MYT1: variants seen among roughly 807,000 people sequenced by gnomAD.
The protein encoded by MYT1 is myelin transcription factor 1, also known as myelin transcription factor I.
In MYT1, 23 loss-of-function variants were observed where a neutral mutation model predicts 123.0. That is an observed-to-expected ratio of 0.19 (90% CI 0.13 to 0.26). MYT1 has a LOEUF of 0.26. Among genes scored for constraint, MYT1 ranks in the 10% least tolerant of loss-of-function variants. MYT1 has a pLI of 1.00. For synonymous variants in MYT1, 518 were observed against 575.3 expected, an observed-to-expected ratio of 0.90 and a Z score of 1.43; for missense variants, 1,125 against 1,472.5, an observed-to-expected ratio of 0.76 and a Z score of 3.86.
At chr20:64,177,433 TC>T (rs1377230525) in intron 1 of MYT1, among the ~76,000 whole-genome samples, 1 of 151,492 alleles carries the variant, frequency 6.6e-6, no homozygotes, top group Non-Finnish European at 1.5e-5. Flanking sequence ...TTCCCCTCGG[TC>T]CCATTTGTGT....
At chr20:64,169,858 G>A (rs1432744886) in intron 1 of MYT1, among the ~76,000 whole-genome samples, 2 of 152,320 alleles carry the variant, frequency 1.3e-5, no homozygotes, top group East Asian at 1.9e-4. Context: ...TCATGAACGT[G>A]TTCTGTACTG....
chr20:64,172,759 TTTTTTG>T (rs1982325143), intron 1 of MYT1, among the ~76,000 whole-genome samples: 1 of 146,578 alleles, frequency 6.8e-6, no homozygotes, highest in African/African-American at 2.5e-5. Flanking sequence ...TTTTTTTTTT[TTTTTTG>T]AAGATGGAGT....
intron 4 of MYT1, among the ~76,000 whole-genome samples, chr20:64,200,581 G>T (rs541436646): frequency 7.2e-5 from 11 of 152,294 alleles, no homozygotes; most frequent in African/African-American, 2.6e-4. Flanking sequence ...TTGAGGCCCC[G>T]TAACTTGGAG....
intron 1 of MYT1, among the ~76,000 whole-genome samples, chr20:64,172,270 G>A (rs894055732): frequency 6.6e-6 from 1 of 152,208 alleles, no homozygotes; most frequent in Non-Finnish European, 1.5e-5. Flanking sequence ...GAGAGCAGCT[G>A]CCTGGGCTTA....
intron 1 of MYT1, among the ~76,000 whole-genome samples, chr20:64,170,466 C>T (rs1400749127): frequency 1.3e-5 from 2 of 152,088 alleles, no homozygotes; most frequent in Admixed American, 6.5e-5. Flanking sequence ...CACATTTTAG[C>T]TTTGAGGTTG....
chr20:64,169,820 G>A (rs1159023161), intron 1 of MYT1, among the ~76,000 whole-genome samples: 2 of 152,194 alleles, frequency 1.3e-5, no homozygotes, highest in Non-Finnish European at 1.5e-5. Flanking sequence ...TATTTTAATC[G>A]TTGAGACCGT....
In MYT1 at chr20:64,170,729, G is replaced by A. The variant is rs989316755; in HGVS notation, c.-99+5990G>A. Among the ~76,000 whole-genome samples the A allele has an allele frequency of 1.0e-4, 15 of 149,782 alleles. No homozygotes were observed. The East Asian group carries it at 2.0e-3, about 20-fold the overall frequency. On this transcript the variant is annotated intron_variant, in intron 1 of 22. Coordinates refer to ENST00000328439, the MANE Select transcript of MYT1 (RefSeq NM_004535.3). ...TTGTGCTTCCTCATTTTATTTCCAC[G>A]AAGGCTGTGCCCAACCTTAGCCTCG...
In MYT1 at chr20:64,190,657, T is replaced by C. The variant is rs1982941379; in HGVS notation, c.-1+497T>C. The stretch of plus-strand genomic sequence containing the variant: ...GAGATTGTGCCACTGCACTCCAGCC[T>C]GGGTGCAGATCTTATCTCAGAAGTA... On this transcript the variant is annotated intron_variant, in intron 2 of 22. Transcript: ENST00000328439. The surrounding 1 kb of genome is among the most constrained non-coding windows in gnomAD (Gnocchi z 4.1). Among the ~76,000 whole-genome samples the C allele has an allele frequency of 1.3e-5, 2 of 151,430 alleles. No homozygotes were observed. The highest frequency in any genetic ancestry group is 2.1e-4 in the South Asian group (1 of 4,786).
chr20:64,222,901 G>A (rs1984051338), intron 14 of MYT1, among the ~76,000 whole-genome samples: 1 of 152,210 alleles, frequency 6.6e-6, no homozygotes, highest in Admixed American at 6.5e-5. Flanking sequence ...ACTTTAATTT[G>A]GTTACTTTTT....
intron 1 of MYT1, among the ~76,000 whole-genome samples, chr20:64,184,762 T>A (rs529734407): frequency 1.3e-5 from 2 of 152,192 alleles, no homozygotes; most frequent in Non-Finnish European, 2.9e-5. Context: ...CCCTCAGGGT[T>A]CTGGCTTGAG....
intron 1 of MYT1, among the ~76,000 whole-genome samples, chr20:64,170,921 A>AGAGAGAG: frequency 7.2e-6 from 1 of 138,026 alleles, no homozygotes; most frequent in African/African-American, 2.8e-5. Context: ...AGAGAGAGAG[A>AGAGAGAG]GAGAGAGAGA....
Position 64,232,420 on chromosome 20 carries a change from G to C in MYT1, c.2897+35G>C. 1 of 1,602,174 alleles carries C rather than the reference G, an allele frequency of 6.2e-7. No homozygotes were observed. Among genetic ancestry groups the C allele is most frequent in the Non-Finnish European group, 8.5e-7 (1 of 1,170,514 alleles). ...CCTGCAGGTCCTGCCCCTCTGTGCA[G>C]TCAGTAGGGACCCTCGCCTGGGGCC... On this transcript the variant is annotated intron_variant, in intron 19 of 22. Transcript: ENST00000328439. This position sits in a 1 kb window ranked among gnomAD's most constrained non-coding sequence, Gnocchi z 6.9.
At chr20:64,214,621 T>C (rs1369587157) in intron 10 of MYT1, among the ~76,000 whole-genome samples, 1 of 152,228 alleles carries the variant, frequency 6.6e-6, no homozygotes, top group African/African-American at 2.4e-5. Context: ...ACACTTCCAC[T>C]GCTCCTGTCT....
chr20:64,223,419 C>T, intron 16 of MYT1, 60 bp downstream of exon 16: 1 of 1,574,956 alleles, frequency 6.3e-7, no homozygotes, highest in East Asian at 2.2e-5. Flanking sequence ...TGCTCTCCTT[C>T]CATGAGGCTC....
rs1205204061 is a variant in MYT1 at position 64,231,547 on chromosome 20, C to G, written c.2676-617C>G. On this transcript the variant is annotated intron_variant, in intron 18 of 22. Coordinates refer to ENST00000328439, the MANE Select transcript of MYT1 (RefSeq NM_004535.3). This position sits in a 1 kb window ranked among gnomAD's most constrained non-coding sequence, Gnocchi z 6.4. ...GAGTGATTATGGGTAGCGAGTCTCC[C>G]CCACATGAGGTCTGCGTTCTTCCTT... Among the ~76,000 whole-genome samples the G allele has an allele frequency of 6.6e-6, 1 of 152,228 alleles. No individual in the cohort carries two copies. Among genetic ancestry groups the G allele is most frequent in the Non-Finnish European group, 1.5e-5 (1 of 68,048 alleles).
chr20:64,219,806 T>C lies in MYT1; in HGVS notation c.2065T>C (p.Cys689Arg), dbSNP rs906215603. The C allele has an allele frequency of 2.5e-6, 4 of 1,613,842 alleles. No homozygotes were observed. Among genetic ancestry groups the C allele is most frequent in the South Asian group, 1.1e-5 (1 of 91,010 alleles). Residue 689 changes from cysteine to arginine, a missense_variant, in exon 13 of 23, where the codon TGC becomes CGC. Cys to Arg is a radical substitution (Grantham distance 180). Transcript: ENST00000328439. ...AAATGCTTTCCCCAGCAGCAGCAGC[T>C]GCAGCAGCAGCCCCGGTGTGAAGTC... The part of the protein sequence containing the change: ...RENAFPSSSS[C>R]SSSPGVKSPD...
intron 16 of MYT1, among the ~76,000 whole-genome samples, chr20:64,223,731 G>A (rs1381883568): frequency 6.6e-6 from 1 of 152,170 alleles, no homozygotes. Context: ...AACCGACCAG[G>A]GAACGTAAGC....
intron 21 of MYT1, among the ~76,000 whole-genome samples, 192 bp downstream of exon 21, chr20:64,237,582 C>T (rs774876698): frequency 3.9e-5 from 6 of 152,244 alleles, no homozygotes; most frequent in Non-Finnish European, 5.9e-5. Context: ...CGTGAAGTCA[C>T]ACTGTGAGTG....
chr20:64,164,640 C>T lies in MYT1; in HGVS notation c.-198C>T, dbSNP rs1982030019. The T allele has an allele frequency of 6.6e-6, 1 of 151,980 alleles. No individual in the cohort carries two copies. Among genetic ancestry groups the T allele is most frequent in the African/African-American group, 2.4e-5 (1 of 41,362 alleles). 9.4% of individuals were successfully genotyped at this position (151,980 alleles called of 1,614,324 possible). On this transcript the variant is annotated 5_prime_UTR_variant, in exon 1 of 23. Coordinates refer to ENST00000328439, the MANE Select transcript of MYT1 (RefSeq NM_004535.3). ...CGCTGTACGGGAGGCAGCTGCCTTC[C>T]CTCTCCTCCCCCAGTCCACCCTGCA...
Sources: allele counts gnomAD v4.1 joint callset (sites outside exome capture counted in the v4.1 genomes callset), GRCh38; gene constraint gnomAD v4.1.1; non-coding constraint Gnocchi (gnomAD v3.1); transcripts MANE v1.5; gene names NCBI Gene and HGNC (gene_info 2026-07-23, HGNC 2026-07-21).